RUNDC3B: variants seen among roughly 807,000 people sequenced by gnomAD.
The protein encoded by RUNDC3B is RUN domain containing 3B.
RUNDC3B carries 33 observed loss-of-function variants against 58.4 expected under a neutral mutation model. The ratio of observed to expected loss-of-function variants is 0.56; its 90% CI spans 0.43 to 0.75. The LOEUF (loss-of-function observed/expected upper bound fraction) is 0.75, where lower values mean the gene tolerates loss of function less well. Ranked by LOEUF, RUNDC3B falls within the 30% of genes least tolerant of loss-of-function variation. The probability of loss-of-function intolerance (pLI) is 0.00; values close to 1 mark genes in which losing one functional copy is unlikely to be tolerated. For missense variants in RUNDC3B, 501 were observed against 535.7 expected, an observed-to-expected ratio of 0.94 and a Z score of 0.64; for synonymous variants, 193 against 195.2, an observed-to-expected ratio of 0.99 and a Z score of 0.10.
chr7:87,741,587 A>G lies in RUNDC3B; in HGVS notation c.629+8A>G. On this transcript the variant is annotated splice_region_variant and intron_variant, in intron 6 of 10. Transcript: ENST00000394654. ...TTTGAAGTATATCCAAAGGTATGTG[A>G]CATTTTGAGATATGTTTTTTAAAAT... 2 of 1,458,540 alleles carry G rather than the reference A, an allele frequency of 1.4e-6. No homozygotes were observed. The highest frequency in any genetic ancestry group is 1.9e-6 in the Non-Finnish European group (2 of 1,054,758). The allele number at this position is 1,458,540 out of a possible 1,614,324, so 90.3% of individuals were successfully genotyped here.
In RUNDC3B at chr7:87,826,092, G is replaced by C. The variant is rs1837789866; in HGVS notation, c.1226-3793G>C. ...AGGCATGATTAGTTTTGAAATGTTA[G>C]GACATGAGACTTGGGAGGGGCCAGG... On this transcript the variant is annotated intron_variant, in intron 10 of 10. Transcript: ENST00000394654. Among the ~76,000 whole-genome samples, 6 of 152,230 alleles carry C rather than the reference G, an allele frequency of 3.9e-5. No homozygotes were observed. The South Asian group carries it at 8.3e-4, about 21-fold the overall frequency.
intron 10 of RUNDC3B, among the ~76,000 whole-genome samples, chr7:87,826,579 T>C (rs1456346197): frequency 1.3e-5 from 2 of 151,736 alleles, no homozygotes; most frequent in Non-Finnish European, 2.9e-5. Flanking sequence ...AAGAAAGAAG[T>C]AAAATGAGTT....
intron 2 of RUNDC3B, among the ~76,000 whole-genome samples, chr7:87,663,476 G>A (rs771213031): frequency 6.6e-6 from 1 of 151,872 alleles, no homozygotes; most frequent in Non-Finnish European, 1.5e-5. Context: ...ATTGAATTCT[G>A]TGTTCTTTGT....
chr7:87,672,777 T>C (rs1158057201), intron 2 of RUNDC3B, among the ~76,000 whole-genome samples: 3 of 152,146 alleles, frequency 2.0e-5, no homozygotes, highest in African/African-American at 7.2e-5. Flanking sequence ...GGTCACACAT[T>C]GACTCACTGC....
chr7:87,773,766 C>T lies in RUNDC3B; in HGVS notation c.798+3017C>T, dbSNP rs941451321. Among the ~76,000 whole-genome samples, 3 of 152,176 alleles carry T rather than the reference C, an allele frequency of 2.0e-5. No individual in the cohort carries two copies. The East Asian group carries it at 5.8e-4, about 29-fold the overall frequency. On this transcript the variant is annotated intron_variant, in intron 7 of 10. Coordinates refer to ENST00000394654, the MANE Select transcript of RUNDC3B (RefSeq NM_001134405.2). ...GATCTTGGCTCACTGAAACCTCCACCTCCTGGGTTCAAGTGATTCTCCTGC... is the reference window on the plus strand; with the variant it reads ...GATCTTGGCTCACTGAAACCTCCACTTCCTGGGTTCAAGTGATTCTCCTGC...
intron 10 of RUNDC3B, among the ~76,000 whole-genome samples, chr7:87,820,879 G>A (rs1451637823): frequency 6.6e-6 from 1 of 151,446 alleles, no homozygotes; most frequent in African/African-American, 2.4e-5. Flanking sequence ...GGTATTGATG[G>A]GACATATCTC....
intron 4 of RUNDC3B, among the ~76,000 whole-genome samples, chr7:87,716,572 T>C (rs1830566080): frequency 6.6e-6 from 1 of 152,206 alleles, no homozygotes; most frequent in Admixed American, 6.6e-5. Flanking sequence ...AATTTGTCTC[T>C]GCGTAGCCTG....
At chr7:87,813,372 G>T (rs909518668) in intron 9 of RUNDC3B, among the ~76,000 whole-genome samples, 1 of 152,114 alleles carries the variant, frequency 6.6e-6, no homozygotes, top group Non-Finnish European at 1.5e-5. Flanking sequence ...GGGTTGTAGT[G>T]TTGGAGATTA....
At chr7:87,697,339 T>A (rs1334760420) in intron 2 of RUNDC3B, among the ~76,000 whole-genome samples, 1 of 152,210 alleles carries the variant, frequency 6.6e-6, no homozygotes, top group African/African-American at 2.4e-5. Context: ...TGATACTCTT[T>A]CCTTAAGATT....
At chr7:87,756,796 T>C (rs113229099) in intron 6 of RUNDC3B, among the ~76,000 whole-genome samples, 4,527 of 152,224 alleles carry the variant, frequency 0.03, 64 homozygotes, top group Middle Eastern at 0.048. Flanking sequence ...CATCTTTTAT[T>C]TGATTTTGTC....
intron 1 of RUNDC3B, among the ~76,000 whole-genome samples, chr7:87,640,720 G>T (rs191654421): frequency 6.6e-6 from 1 of 152,016 alleles, no homozygotes; most frequent in African/African-American, 2.4e-5. Context: ...CTTTCCCATG[G>T]TTTCTATTCT....
chr7:87,749,553 A>G (rs1317366942), intron 6 of RUNDC3B, among the ~76,000 whole-genome samples: 3 of 152,188 alleles, frequency 2.0e-5, no homozygotes, highest in Non-Finnish European at 4.4e-5. Flanking sequence ...CTTAATTGTC[A>G]TAAAGAACCA....
intron 4 of RUNDC3B, among the ~76,000 whole-genome samples, chr7:87,714,973 A>G (rs1255469370): frequency 1.3e-5 from 2 of 151,938 alleles, no homozygotes; most frequent in Admixed American, 6.6e-5. Flanking sequence ...TTGTCTTTAC[A>G]CAATACTGCA....
rs533648901 is a variant in RUNDC3B, at chr7:87,753,426, C to T, written c.629+11847C>T. ...AGAGCTGAGTTCAATTCCTGGGTAT[C>T]CTTGTTGACTTTCTGTCTCATTGAT... On this transcript the variant is annotated intron_variant, in intron 6 of 10. Coordinates refer to ENST00000394654, the MANE Select transcript of RUNDC3B (RefSeq NM_001134405.2). Among the ~76,000 whole-genome samples the T allele has an allele frequency of 1.1e-4, 16 of 152,064 alleles. No homozygotes were observed. The East Asian group carries it at 3.1e-3, about 29-fold the overall frequency.
intron 1 of RUNDC3B, among the ~76,000 whole-genome samples, chr7:87,635,834 T>C (rs2130241431): frequency 6.6e-6 from 1 of 152,324 alleles, no homozygotes; most frequent in South Asian, 2.1e-4. Flanking sequence ...TTTAAATGAA[T>C]GGAATAATAC....
chr7:87,742,379 C>A (rs1832377213), intron 6 of RUNDC3B, among the ~76,000 whole-genome samples: 1 of 152,124 alleles, frequency 6.6e-6, no homozygotes, highest in Admixed American at 6.6e-5. Context: ...CCACAAGTCC[C>A]CAAAGTCCAC....
intron 2 of RUNDC3B, among the ~76,000 whole-genome samples, chr7:87,671,224 G>T (rs1825796046): frequency 6.6e-6 from 1 of 152,172 alleles, no homozygotes; most frequent in African/African-American, 2.4e-5. Flanking sequence ...TCCTTGGGCT[G>T]ATTACAACTG....
At chr7:87,800,163 G>A (rs1209004247) in intron 8 of RUNDC3B, among the ~76,000 whole-genome samples, 2 of 152,126 alleles carry the variant, frequency 1.3e-5, no homozygotes, top group Non-Finnish European at 2.9e-5. Context: ...CCTTATAAAT[G>A]TCCAACAGCT....
chr7:87,699,172 A>G (rs752696997), intron 2 of RUNDC3B, among the ~76,000 whole-genome samples: 6 of 152,170 alleles, frequency 3.9e-5, no homozygotes, highest in Non-Finnish European at 8.8e-5. Flanking sequence ...ATGTTGCTGT[A>G]GAGAAGTAAT....
Sources: allele counts gnomAD v4.1 joint callset (sites outside exome capture counted in the v4.1 genomes callset), GRCh38; gene constraint gnomAD v4.1.1; transcripts MANE v1.5; gene names NCBI Gene and HGNC (gene_info 2026-07-23, HGNC 2026-07-21).